SLC35F4: variants seen among roughly 807,000 people sequenced by gnomAD.
SLC35F4 encodes solute carrier family 35 member F4.
In SLC35F4, 24 loss-of-function variants were observed where a neutral mutation model predicts 44.2. That is an observed-to-expected ratio of 0.54 (90% CI 0.39 to 0.76). SLC35F4 has a LOEUF of 0.76. SLC35F4 is among the 30% of genes least tolerant of loss of function. The pLI is 0.00. For missense variants in SLC35F4, 562 were observed against 586.1 expected, an observed-to-expected ratio of 0.96 and a Z score of 0.42; for synonymous variants, 238 against 223.6, an observed-to-expected ratio of 1.06 and a Z score of -0.57.
intron 1 of SLC35F4, among the ~76,000 whole-genome samples, chr14:57,776,665 CA>C (rs57272978): frequency 0.023 from 1,679 of 72,020 alleles, 7 homozygotes; most frequent in Non-Finnish European, 0.036. Flanking sequence ...GACTCCATCT[CA>C]AAAAAAAAAA....
downstream of SLC35F4, among the ~76,000 whole-genome samples, chr14:57,975,383 C>G (rs1881186359): frequency 6.6e-6 from 1 of 152,230 alleles, no homozygotes. Flanking sequence ...GGGCCCCACA[C>G]ATTCCCAGAT....
chr14:57,746,590 C>A (rs2076760134), intron 1 of SLC35F4, among the ~76,000 whole-genome samples: 1 of 151,924 alleles, frequency 6.6e-6, no homozygotes, highest in African/African-American at 2.4e-5. Context: ...TGAGGGATAT[C>A]AGTATGTAAT....
chr14:57,651,843 G>A (rs2073796214), intron 1 of SLC35F4, among the ~76,000 whole-genome samples: 1 of 152,192 alleles, frequency 6.6e-6, no homozygotes. Flanking sequence ...ATCCTCCTCT[G>A]TCCAATGGGA....
intron 1 of SLC35F4, among the ~76,000 whole-genome samples, chr14:57,793,916 C>G (rs866988958): frequency 1.3e-5 from 2 of 152,068 alleles, no homozygotes; most frequent in African/African-American, 4.8e-5. Context: ...CAAATACTTA[C>G]AACTAACTGA....
At chr14:57,851,687 G>A (rs750943496) in intron 1 of SLC35F4, among the ~76,000 whole-genome samples, 1 of 152,136 alleles carries the variant, frequency 6.6e-6, no homozygotes, top group African/African-American at 2.4e-5. Context: ...ACAAGTAAAT[G>A]CAATCTGGTA....
intron 1 of SLC35F4, among the ~76,000 whole-genome samples, chr14:57,880,031 AGGG>A (rs1566919935): frequency 9.2e-6 from 1 of 108,340 alleles, no homozygotes; most frequent in Admixed American, 9.6e-5. Flanking sequence ...AAAGGAAAGG[AGGG>A]AGGAAGGAAG....
At chr14:57,933,576 C>A (rs1460681308) in intron 1 of SLC35F4, among the ~76,000 whole-genome samples, 2 of 152,180 alleles carry the variant, frequency 1.3e-5, no homozygotes, top group African/African-American at 4.8e-5. Flanking sequence ...AGCTGAGTGG[C>A]TGAGTCAGCC....
intron 1 of SLC35F4, among the ~76,000 whole-genome samples, chr14:57,696,171 C>T (rs548385889): frequency 6.6e-6 from 1 of 152,128 alleles, no homozygotes; most frequent in African/African-American, 2.4e-5. Context: ...AAAATTTTTG[C>T]AATCTATCCT....
intron 1 of SLC35F4, among the ~76,000 whole-genome samples, chr14:57,945,552 G>T (rs1395986662): frequency 2.8e-5 from 4 of 142,754 alleles, no homozygotes; most frequent in African/African-American, 1.1e-4. Flanking sequence ...CCATATTTTT[G>T]CAGTTGCAAA....
Position 57,887,936 on chromosome 14 carries a change from G to C in SLC35F4, n.282+93977C>G, listed in dbSNP as rs375602784. On this transcript the variant is annotated intron_variant and non_coding_transcript_variant, in intron 1 of 1. Transcript: ENST00000556568. Reference sequence around the variant, plus strand: ...TTCTGCTCAAGATAATTTTTCTGCAGGAAACTACAGCAAGCATCTTCTTCA... The same window carrying C: ...TTCTGCTCAAGATAATTTTTCTGCACGAAACTACAGCAAGCATCTTCTTCA... 2.0e-5 allele frequency among the ~76,000 whole-genome samples: 3 copies of C among 152,116 alleles called. No homozygotes were observed. The East Asian group carries it at 5.8e-4, about 29-fold the overall frequency.
chr14:57,737,394 A>C (rs1022878273), intron 1 of SLC35F4, among the ~76,000 whole-genome samples: 46 of 152,094 alleles, frequency 3.0e-4, no homozygotes, highest in Non-Finnish European at 6.2e-4. Flanking sequence ...GGGTGAACTG[A>C]TGACACATAT....
At chr14:57,598,891 A>ATGTG (rs34462836) in intron 1 of SLC35F4, among the ~76,000 whole-genome samples, 17 of 150,710 alleles carry the variant, frequency 1.1e-4, no homozygotes, top group Admixed American at 5.3e-4. Context: ...GTGTGTGTGT[A>ATGTG]TGTGTGTGTG....
At chr14:57,865,691 G>A (rs1348248830) in intron 1 of SLC35F4, 32 bp downstream of exon 1, 3 of 1,497,758 alleles carry the variant, frequency 2.0e-6, no homozygotes, top group East Asian at 5.2e-5. Flanking sequence ...TCCCTTCCCC[G>A]CCTCGCGCAG....
intron 1 of SLC35F4, among the ~76,000 whole-genome samples, chr14:57,633,891 T>G (rs2072904735): frequency 6.6e-6 from 1 of 152,096 alleles, no homozygotes; most frequent in Non-Finnish European, 1.5e-5. Flanking sequence ...TTCCATAGTA[T>G]GAATCTACCA....
chr14:57,611,531 A>C (rs1173151979), intron 1 of SLC35F4, among the ~76,000 whole-genome samples: 1 of 151,554 alleles, frequency 6.6e-6, no homozygotes, highest in Non-Finnish European at 1.5e-5. Flanking sequence ...GATATGGTAC[A>C]GTTGTCAAAG....
In SLC35F4 at chr14:57,594,113, A is replaced by G. The variant is rs1186068497; in HGVS notation, c.115T>C (p.Ser39Pro). Residue 39 changes from serine to proline, a missense_variant, in exon 2 of 8, where the codon TCA (serine) becomes CCA (proline). Physicochemically the swap from Ser to Pro is moderately conservative, Grantham distance 74 (BLOSUM62 -1). Coordinates refer to ENST00000556826, the MANE Select transcript of SLC35F4 (RefSeq NM_001306087.2). ...GYSSQKSTSRSSVTRCKPGAN... is the reference protein window; with the variant it reads ...GYSSQKSTSRPSVTRCKPGAN... Reference sequence around the variant, plus strand: ...CCTGGTTTACATCTAGTGACTGATGATCTGGAGGTACCTGGAAAGACAGAG... The same window carrying G: ...CCTGGTTTACATCTAGTGACTGATGGTCTGGAGGTACCTGGAAAGACAGAG... 1 of 1,613,646 alleles carries G rather than the reference A, an allele frequency of 6.2e-7. No homozygotes were observed. Among genetic ancestry groups the G allele is most frequent in the South Asian group, 1.1e-5 (1 of 91,012 alleles).
intron 1 of SLC35F4, among the ~76,000 whole-genome samples, chr14:57,886,320 G>A (rs1888643337): frequency 6.6e-6 from 1 of 152,148 alleles, no homozygotes; most frequent in South Asian, 2.1e-4. Context: ...TCAAGGTGTT[G>A]GGTAGGCTGT....
intron 5 of SLC35F4, among the ~76,000 whole-genome samples, 183 bp downstream of exon 5, chr14:57,571,711 G>A (rs778637851): frequency 2.0e-5 from 3 of 152,152 alleles, no homozygotes; most frequent in Non-Finnish European, 2.9e-5. Flanking sequence ...TCATAAGGTT[G>A]TATTAACACA....
chr14:57,627,914 T>C (rs2072554824), intron 1 of SLC35F4, among the ~76,000 whole-genome samples: 1 of 152,106 alleles, frequency 6.6e-6, no homozygotes, highest in African/African-American at 2.4e-5. Flanking sequence ...TGTTTTCCCC[T>C]TTATTCTTTA....
Sources: gnomAD v4.1 joint callset for allele counts (sites outside exome capture counted in the v4.1 genomes callset) on GRCh38, gnomAD v4.1.1 for gene constraint, MANE v1.5 for transcripts, NCBI Gene and HGNC (gene_info 2026-07-23, HGNC 2026-07-21) for gene names.